The following GPHN variants were observed in gnomAD, a reference collection of about 807,000 sequenced individuals.
The protein encoded by GPHN is gephyrin.
A neutral mutation model predicts 95.5 loss-of-function variants in GPHN; 17 were observed. That is an observed-to-expected ratio of 0.18 (90% CI 0.12 to 0.27). The LOEUF (loss-of-function observed/expected upper bound fraction) is 0.27, where lower values mean the gene tolerates loss of function less well. Among genes scored for constraint, GPHN ranks in the 10% least tolerant of loss-of-function variants. GPHN has a pLI of 1.00. For synonymous variants in GPHN, 320 were observed against 322.5 expected (o/e 0.99, Z 0.08); for missense variants, 660 against 978.1 (o/e 0.67, Z 4.34).
intron 11 of GPHN, among the ~76,000 whole-genome samples, chr14:67,084,974 C>T (rs923820099): frequency 2.0e-5 from 3 of 152,194 alleles, no homozygotes; most frequent in African/African-American, 4.8e-5. Flanking sequence ...TTGTGCTAAA[C>T]GATTCTTAAA....
At chr14:66,823,302 G>T (rs946138936) in intron 3 of GPHN, 2 of 152,122 alleles carry the variant, frequency 1.3e-5, no homozygotes. Flanking sequence ...CACCCAGCTG[G>T]TTTTTTTATA....
chr14:67,409,761 A>G, the GPHN span, among the ~76,000 whole-genome samples: 1 of 152,164 alleles, frequency 6.6e-6, no homozygotes, highest in African/African-American at 2.4e-5. Context: ...CTTCCAACGC[A>G]GGCCCTGCCC....
the GPHN span, among the ~76,000 whole-genome samples, chr14:67,349,562 C>CGAT: frequency 6.6e-6 from 1 of 152,090 alleles, no homozygotes; most frequent in Non-Finnish European, 1.5e-5. Context: ...TGGCAGGGTG[C>CGAT]GATAGCTCAC....
chr14:67,514,632 C>T, the GPHN span, among the ~76,000 whole-genome samples: 1 of 152,146 alleles, frequency 6.6e-6, no homozygotes, highest in Non-Finnish European at 1.5e-5. Context: ...TTGGTTTCCA[C>T]TCCCAAGCCC....
chr14:67,654,269 C>T, the GPHN span, among the ~76,000 whole-genome samples: 1 of 152,110 alleles, frequency 6.6e-6, no homozygotes, highest in Non-Finnish European at 1.5e-5. Flanking sequence ...ACACCCTGCT[C>T]CTTTTTTTGA....
the GPHN span, among the ~76,000 whole-genome samples, chr14:67,194,592 G>A: frequency 7.2e-5 from 11 of 151,942 alleles, no homozygotes; most frequent in South Asian, 2.1e-4. Flanking sequence ...TGCAACCTCC[G>A]CCTCCCGGGT....
At chr14:67,059,014 G>GAAA (rs77636679) in intron 11 of GPHN, 16 of 382,766 alleles carry the variant, frequency 4.2e-5, no homozygotes, top group African/African-American at 2.3e-4. Flanking sequence ...TTAAAAAAAG[G>GAAA]AAAAAAAAAA....
the GPHN span, among the ~76,000 whole-genome samples, chr14:67,641,757 T>C: frequency 6.6e-6 from 1 of 152,168 alleles, no homozygotes; most frequent in African/African-American, 2.4e-5. Flanking sequence ...TGGGGCAACA[T>C]AGCAAGACCC....
intron 1 of GPHN, among the ~76,000 whole-genome samples, chr14:66,542,587 C>T (rs1193220457): frequency 6.6e-6 from 1 of 152,130 alleles, no homozygotes; most frequent in Admixed American, 6.5e-5. Context: ...GGACATTGCT[C>T]CAGCAGTTCT....
chr14:67,700,557 T>C, the GPHN span, among the ~76,000 whole-genome samples: 3 of 150,340 alleles, frequency 2.0e-5, no homozygotes, highest in African/African-American at 7.4e-5. Context: ...CTACTAAAAA[T>C]ACAAAAAATT....
the GPHN span, among the ~76,000 whole-genome samples, chr14:67,281,994 A>C: frequency 2.0e-5 from 3 of 152,162 alleles, no homozygotes; most frequent in African/African-American, 7.2e-5. Context: ...TTGAAATGTC[A>C]TAACAGGTAT....
At chr14:66,935,483 A>G (rs529739555) in intron 8 of GPHN, among the ~76,000 whole-genome samples, 11 of 129,296 alleles carry the variant, frequency 8.5e-5, no homozygotes, top group African/African-American at 3.2e-4. Context: ...GTATATGTAT[A>G]TATATGTATA....
At chr14:67,044,868 C>G (rs1043940862) in intron 10 of GPHN, among the ~76,000 whole-genome samples, 8 of 151,932 alleles carry the variant, frequency 5.3e-5, no homozygotes, top group African/African-American at 1.9e-4. Flanking sequence ...CTCTCTCTCT[C>G]TGTCTCTCTT....
the GPHN span, among the ~76,000 whole-genome samples, chr14:67,309,078 CAG>C: frequency 1.3e-5 from 2 of 152,090 alleles, no homozygotes; most frequent in Non-Finnish European, 2.9e-5. Flanking sequence ...GAAATGTAAA[CAG>C]AAGATTTTGT....
intron 1 of GPHN, among the ~76,000 whole-genome samples, chr14:66,655,000 A>G (rs901692853): frequency 1.3e-5 from 2 of 152,134 alleles, no homozygotes; most frequent in South Asian, 2.1e-4. Context: ...TCTGGCTAAT[A>G]CCACACAGTC....
chr14:67,720,619 A>T, the GPHN span, among the ~76,000 whole-genome samples: 5 of 152,166 alleles, frequency 3.3e-5, no homozygotes, highest in African/African-American at 1.2e-4. Flanking sequence ...TCATATCTAA[A>T]TGCCCATGTG....
chr14:67,616,446 ATTG>A, the GPHN span: 12 of 158,108 alleles, frequency 7.6e-5, no homozygotes, highest in East Asian at 3.8e-4. Context: ...ATATGAAATA[ATTG>A]TTGTTCTGTT....
chr14:66,685,426 T>C (rs1306247348), intron 2 of GPHN, among the ~76,000 whole-genome samples: 4 of 152,180 alleles, frequency 2.6e-5, no homozygotes, highest in Non-Finnish European at 5.9e-5. Flanking sequence ...TTTCCTGACT[T>C]TTTAATGATT....
chr14:67,055,491 T>C (rs1351729819), intron 10 of GPHN, among the ~76,000 whole-genome samples: 3 of 152,222 alleles, frequency 2.0e-5, no homozygotes, highest in Non-Finnish European at 4.4e-5. Flanking sequence ...GAAGACAGTG[T>C]GGTGATTCCT....
Sources: allele counts gnomAD v4.1 joint callset (sites outside exome capture counted in the v4.1 genomes callset), GRCh38; gene constraint gnomAD v4.1.1; transcripts MANE v1.5; gene names NCBI Gene and HGNC (gene_info 2026-07-23, HGNC 2026-07-21).